Variants in TARS1 observed in about 807,000 individuals in gnomAD.
TARS1 encodes threonine--tRNA ligase 1, cytoplasmic.
TARS1 carries 57 observed loss-of-function variants against 97.7 expected under a neutral mutation model. The ratio of observed to expected loss-of-function variants is 0.58; its 90% CI spans 0.47 to 0.73. TARS1 has a LOEUF of 0.73. TARS1 is among the 30% of genes least tolerant of loss of function. The pLI, the probability that TARS1 is intolerant of heterozygous loss-of-function variation, is 0.00. For missense variants in TARS1, 806 were observed against 888.3 expected (o/e 0.91, Z 1.18); for synonymous variants, 312 against 293.7 (o/e 1.06, Z -0.64).
At position 33,464,871 on chromosome 5, in the gene TARS1, A is replaced by T. The variant is rs569194158; in HGVS notation, c.1908+1046A>T. On this transcript the variant is annotated intron_variant, in intron 17 of 18. Transcript: ENST00000265112. The stretch of plus-strand genomic sequence containing the variant: ...GGCGGGTGGATCACGAGGTCAGGAG[A>T]TCAAGACCATGGTGAAACCCCGTCT... 7.0e-4 allele frequency among the ~76,000 whole-genome samples: 106 copies of T among 151,960 alleles called. 1 individual carries two copies. The highest frequency in any genetic ancestry group is 2.4e-3 in the African/African-American group (98 of 41,452).
intron 3 of TARS1, chr5:33,452,568 A>G (rs1225608595): frequency 4.4e-6 from 3 of 681,378 alleles, no homozygotes; most frequent in Non-Finnish European, 7.4e-6. Context: ...TTTATGTTCG[A>G]TGTTGTATAT....
chr5:33,453,722 A>ATT (rs911017855), intron 4 of TARS1, among the ~76,000 whole-genome samples: 1 of 144,626 alleles, frequency 6.9e-6, no homozygotes, highest in Non-Finnish European at 1.5e-5. Flanking sequence ...TTTTATTTTA[A>ATT]TTTTTTTTTT....
intron 3 of TARS1, chr5:33,452,337 C>T (rs1225947466): frequency 6.5e-7 from 1 of 1,535,110 alleles, no homozygotes; most frequent in South Asian, 1.2e-5. Flanking sequence ...CAACTCTGCT[C>T]TAGTCACACA....
chr5:33,460,840 A>G lies in TARS1; in HGVS notation c.1251-62A>G, dbSNP rs893695387. 6 of 1,585,658 alleles carry G rather than the reference A, an allele frequency of 3.8e-6. No homozygotes were observed. In the African/African-American group the frequency reaches 6.8e-5, roughly 18 times the overall value. On this transcript the variant is annotated intron_variant, in intron 11 of 18. Transcript: ENST00000265112. ...TTTTGACAACCTTTCGTGTAATTAA[A>G]TATAGCATTACAGAAGCAGTTTTAT...
At chr5:33,460,699 T>C (rs1742247473) in intron 11 of TARS1, among the ~76,000 whole-genome samples, 1 of 152,244 alleles carries the variant, frequency 6.6e-6, no homozygotes, top group Non-Finnish European at 1.5e-5. Flanking sequence ...AATTCTTCAC[T>C]GTGGTTCATT....
intron 3 of TARS1, among the ~76,000 whole-genome samples, chr5:33,451,394 C>T (rs1245501574): frequency 4.1e-4 from 57 of 138,838 alleles, no homozygotes; most frequent in African/African-American, 1.3e-3. Flanking sequence ...TTTTTTGAGA[C>T]GGAGGAGTCT....
At chr5:33,443,327 CT>C (rs1741225847) in intron 1 of TARS1, among the ~76,000 whole-genome samples, 4 of 94,902 alleles carry the variant, frequency 4.2e-5, no homozygotes, top group African/African-American at 1.6e-4. Flanking sequence ...CTCCCTCTCT[CT>C]CTCTCTCTCT....
At position 33,467,650 on chromosome 5, in the gene TARS1, T is replaced by C. The variant is rs1742599092; in HGVS notation, c.2114T>C (p.Ile705Thr). 6.2e-7 allele frequency: 1 copy of C among 1,614,060 alleles called. No individual in the cohort carries two copies. The change falls in exon 19 of 19, where the codon ATC becomes ACC. Residue 705 changes from isoleucine (I) to threonine (T), a missense_variant. Ile to Thr is a moderately conservative substitution (Grantham distance 89). Around this residue, in one of 3 missense-constraint regions of TARS1, gnomAD observed 446 missense variants for 511.0 expected, o/e 0.87. Coordinates refer to ENST00000265112, the MANE Select transcript of TARS1 (RefSeq NM_152295.5). The part of the protein sequence containing the change: ...VHGERTISET[I>T]ERLQQLKEFR... ...GGGGAACGCACCATTTCTGAAACTA[T>C]CGAGCGGCTACAGCAGCTCAAAGAG...
intron 3 of TARS1, among the ~76,000 whole-genome samples, chr5:33,452,674 T>C (rs974570649): frequency 1.3e-5 from 2 of 152,202 alleles, no homozygotes; most frequent in African/African-American, 4.8e-5. Flanking sequence ...ATCATAGGCA[T>C]TTGCAGAATT....
chr5:33,445,666 G>C (rs1477929231), intron 2 of TARS1, among the ~76,000 whole-genome samples: 1 of 152,238 alleles, frequency 6.6e-6, no homozygotes, highest in Admixed American at 6.5e-5. Flanking sequence ...AAAAATCAGA[G>C]AACAAAAGTT....
intron 1 of TARS1, among the ~76,000 whole-genome samples, chr5:33,443,620 G>A (rs1215701667): frequency 5.3e-5 from 8 of 151,714 alleles, no homozygotes. Flanking sequence ...AGCCTCCCGA[G>A]TAGCTGGGAC....
At chr5:33,458,898 G>T (rs766206831) in intron 10 of TARS1, among the ~76,000 whole-genome samples, 1 of 152,150 alleles carries the variant, frequency 6.6e-6, no homozygotes, top group Non-Finnish European at 1.5e-5. Flanking sequence ...GGAGCTCTGT[G>T]CCCTCTTTGA....
chr5:33,446,430 T>A (rs1741418090), intron 2 of TARS1, among the ~76,000 whole-genome samples: 3 of 152,226 alleles, frequency 2.0e-5, no homozygotes, highest in Non-Finnish European at 4.4e-5. Flanking sequence ...AATACAAACA[T>A]ACGTGCTGTT....
At chr5:33,451,475 C>A (rs573789786) in intron 3 of TARS1, among the ~76,000 whole-genome samples, 12 of 151,416 alleles carry the variant, frequency 7.9e-5, no homozygotes, top group Admixed American at 3.3e-4. Context: ...CCTGGGTTGA[C>A]GCCATTCTCC....
intron 1 of TARS1, among the ~76,000 whole-genome samples, chr5:33,443,324 T>C (rs1358388968): frequency 2.6e-4 from 19 of 74,332 alleles, no homozygotes; most frequent in South Asian, 2.0e-3. Context: ...TCTCTCCCTC[T>C]CTCTCTCTCT....
chr5:33,445,283 T>TC lies in TARS1; in HGVS notation c.58-40dup, dbSNP rs761311012. 1.1e-5 allele frequency: 17 copies of TC among 1,502,658 alleles called. No homozygotes were observed. In the East Asian group the frequency reaches 4.1e-4, roughly 36 times the overall value. The allele number at this position is 1,502,658 out of a possible 1,614,324, so 93.1% of individuals were successfully genotyped here. A position where few individuals can be genotyped will look rare whatever the true frequency, so the allele number is the denominator to read the frequency against. ...CCTGGGGCATCACAGGATGGAGGTG[T>TC]CACATTAGATTAAAATATAAAACGT... On this transcript the variant is annotated intron_variant, in intron 1 of 18. Transcript: ENST00000265112.
chr5:33,450,995 G>T lies in TARS1; in HGVS notation c.329+2264G>T, dbSNP rs536306678. Among the ~76,000 whole-genome samples the T allele has an allele frequency of 4.8e-3, 724 of 152,246 alleles. 9 individuals are homozygous for T. The highest frequency in any genetic ancestry group is 0.017 in the African/African-American group (695 of 41,544). ...CCAGTCATGGTGGCGCACACCTGTA[G>T]TCCCAACTACTTGGAGGCTGAGGTG... On this transcript the variant is annotated intron_variant, in intron 3 of 18. Coordinates refer to ENST00000265112, the MANE Select transcript of TARS1 (RefSeq NM_152295.5).
intron 16 of TARS1, among the ~76,000 whole-genome samples, chr5:33,463,375 G>A (rs1264503771): frequency 1.3e-5 from 2 of 152,190 alleles, no homozygotes; most frequent in Admixed American, 6.5e-5. Context: ...TGAAGAATAA[G>A]TAATAAAATG....
At chr5:33,453,232 T>C in intron 3 of TARS1, 57 bp from the exon 4 acceptor site, 1 of 1,436,374 alleles carries the variant, frequency 7.0e-7, no homozygotes, top group South Asian at 1.6e-5. Context: ...TGTTTTCAAA[T>C]TAGATTCGTG....
Sources: allele counts gnomAD v4.1 joint callset (sites outside exome capture counted in the v4.1 genomes callset), GRCh38; gene constraint gnomAD v4.1.1; regional missense constraint gnomAD v4.1.1; transcripts MANE v1.5; gene names NCBI Gene and HGNC (gene_info 2026-07-23, HGNC 2026-07-21).